NRXN1: variants seen among roughly 807,000 people sequenced by gnomAD.
NRXN1 encodes neurexin 1.
A neutral mutation model predicts 150.9 loss-of-function variants in NRXN1; 39 were observed. The ratio of observed to expected loss-of-function variants is 0.26; its 90% confidence interval spans 0.20 to 0.34. The LOEUF (loss-of-function observed/expected upper bound fraction) is 0.34. Ranked by LOEUF, NRXN1 falls within the 10% of genes least tolerant of loss-of-function variation. The pLI is 1.00. For synonymous variants in NRXN1, 924 were observed against 757.0 expected, an observed-to-expected ratio of 1.22 and a Z score of -3.62; for missense variants, 1,815 against 1,949.9, an observed-to-expected ratio of 0.93 and a Z score of 1.30.
chr2:50,158,287 G>T (rs2059150117), intron 18 of NRXN1, among the ~76,000 whole-genome samples: 2 of 151,498 alleles, frequency 1.3e-5, no homozygotes, highest in Admixed American at 6.6e-5. Context: ...AGTACAAAAT[G>T]CCCATCAAAA....
intron 15 of NRXN1, among the ~76,000 whole-genome samples, chr2:50,482,981 G>GCAGT (rs558025793): frequency 5.9e-4 from 88 of 148,606 alleles, no homozygotes; most frequent in African/African-American, 2.1e-3. Flanking sequence ...AACCCGGGAG[G>GCAGT]CAGTGGTTGC....
intron 5 of NRXN1, among the ~76,000 whole-genome samples, chr2:50,821,345 ATTC>A (rs1474260401): frequency 1.3e-5 from 2 of 152,142 alleles, no homozygotes; most frequent in Non-Finnish European, 2.9e-5. Flanking sequence ...GCCCAAGACA[ATTC>A]TTCTTCTTCC....
intron 2 of NRXN1, among the ~76,000 whole-genome samples, chr2:50,957,170 A>T (rs1263555277): frequency 6.6e-6 from 1 of 152,174 alleles, no homozygotes; most frequent in Non-Finnish European, 1.5e-5. Flanking sequence ...ATGATTAAAA[A>T]TAAAAATTCA....
chr2:50,887,379 A>T (rs1462484182), intron 5 of NRXN1, among the ~76,000 whole-genome samples: 1 of 151,460 alleles, frequency 6.6e-6, no homozygotes, highest in Non-Finnish European at 1.5e-5. Flanking sequence ...ATACTGTTTC[A>T]TTGAGAAAGC....
chr2:50,007,837 A>C (rs929723566), intron 21 of NRXN1, among the ~76,000 whole-genome samples: 2 of 152,046 alleles, frequency 1.3e-5, no homozygotes, highest in Admixed American at 1.3e-4. Context: ...GAACTAATTT[A>C]CACTCCCACC....
rs541576939 is a variant in NRXN1 at position 50,062,978 on chromosome 2, A to G, written c.3719-7934T>C. Among the ~76,000 whole-genome samples, 365 of 152,350 alleles carry G rather than the reference A, an allele frequency of 2.4e-3. 2 individuals carry two copies. The highest frequency in any genetic ancestry group is 8.4e-3 in the African/African-American group (350 of 41,594). Reference sequence around the variant, plus strand: ...ATTTCTTGAGTTTTTAACATTGGGAAAAGAAACACAAAAGGATTCTGAAAG... The same window carrying G: ...ATTTCTTGAGTTTTTAACATTGGGAGAAGAAACACAAAAGGATTCTGAAAG... On this transcript the variant is annotated intron_variant, in intron 19 of 22. Coordinates refer to ENST00000401669, the MANE Select transcript of NRXN1 (RefSeq NM_001330078.2).
At chr2:50,186,749 T>C (rs1363878129) in intron 18 of NRXN1, among the ~76,000 whole-genome samples, 1 of 152,044 alleles carries the variant, frequency 6.6e-6, no homozygotes, top group Non-Finnish European at 1.5e-5. Flanking sequence ...TTTGTGAGGG[T>C]ATAATATTCA....
intron 2 of NRXN1, among the ~76,000 whole-genome samples, chr2:50,961,219 A>T (rs1322834935): frequency 6.6e-6 from 1 of 151,928 alleles, no homozygotes; most frequent in Non-Finnish European, 1.5e-5. Flanking sequence ...CCATTTACAC[A>T]TAAGTACATG....
At chr2:50,268,126 G>A (rs1006355587) in intron 17 of NRXN1, among the ~76,000 whole-genome samples, 1 of 152,134 alleles carries the variant, frequency 6.6e-6, no homozygotes, top group Admixed American at 6.6e-5. Context: ...GAAGGCAGAG[G>A]TTGCAGTGAG....
intron 5 of NRXN1, among the ~76,000 whole-genome samples, chr2:50,800,017 G>A (rs1257863938): frequency 6.6e-6 from 1 of 152,080 alleles, no homozygotes; most frequent in Non-Finnish European, 1.5e-5. Flanking sequence ...AAATAAATGA[G>A]AGAAATGGTT....
At chr2:50,329,185 A>T (rs938693080) in intron 17 of NRXN1, among the ~76,000 whole-genome samples, 9 of 152,232 alleles carry the variant, frequency 5.9e-5, no homozygotes, top group African/African-American at 2.2e-4. Flanking sequence ...AAAAGGGCTA[A>T]CAACATCAAT....
intron 18 of NRXN1, among the ~76,000 whole-genome samples, chr2:50,115,074 G>T (rs1343082051): frequency 6.6e-6 from 1 of 151,604 alleles, no homozygotes; most frequent in African/African-American, 2.4e-5. Flanking sequence ...TCTAGTGAGG[G>T]ATGTTGATGG....
intron 19 of NRXN1, among the ~76,000 whole-genome samples, chr2:50,061,109 G>A (rs1004825384): frequency 1.2e-4 from 18 of 152,070 alleles, no homozygotes; most frequent in African/African-American, 4.1e-4. Flanking sequence ...GGTAATGGAA[G>A]TATATTATTT....
chr2:50,132,974 G>C (rs1409311224), intron 18 of NRXN1, among the ~76,000 whole-genome samples: 2 of 151,496 alleles, frequency 1.3e-5, no homozygotes, highest in East Asian at 3.9e-4. Flanking sequence ...GAGATAGAAA[G>C]GAGCTGCGTA....
At chr2:50,645,971 A>ATC (rs1271072780) in intron 5 of NRXN1, among the ~76,000 whole-genome samples, 1 of 151,942 alleles carries the variant, frequency 6.6e-6, no homozygotes, top group Non-Finnish European at 1.5e-5. Flanking sequence ...CCTTGAGAAC[A>ATC]GATACTCAAC....
At chr2:50,304,613 A>G (rs1424648949) in intron 17 of NRXN1, among the ~76,000 whole-genome samples, 1 of 152,158 alleles carries the variant, frequency 6.6e-6, no homozygotes, top group Non-Finnish European at 1.5e-5. Context: ...CCCAGAGGAA[A>G]GCAGTTTTAC....
chr2:50,551,879 G>C (rs1573514494), intron 9 of NRXN1, among the ~76,000 whole-genome samples: 2 of 151,538 alleles, frequency 1.3e-5, no homozygotes, highest in African/African-American at 4.9e-5. Flanking sequence ...TCCCCTCAAA[G>C]CTCATATTAG....
At chr2:50,760,784 C>G (rs953424395) in intron 5 of NRXN1, among the ~76,000 whole-genome samples, 4 of 151,778 alleles carry the variant, frequency 2.6e-5, no homozygotes, top group African/African-American at 9.7e-5. Flanking sequence ...ATGAAAACTC[C>G]GAGGCAGATG....
chr2:50,224,683 GAGAGGGAGAA>G (rs2064190521), intron 18 of NRXN1, among the ~76,000 whole-genome samples: 1 of 135,736 alleles, frequency 7.4e-6, no homozygotes, highest in Non-Finnish European at 1.6e-5. Context: ...AAGAGAGAGA[GAGAGGGAGAA>G]AGAGAGAGAG....
Sources: allele counts gnomAD v4.1 joint callset (sites outside exome capture counted in the v4.1 genomes callset), GRCh38; gene constraint gnomAD v4.1.1; transcripts MANE v1.5; gene names NCBI Gene and HGNC (gene_info 2026-07-23, HGNC 2026-07-21).